Variants in JPH3 observed in about 807,000 individuals in gnomAD.
JPH3 encodes junctophilin-3.
Under a neutral mutation model 59.6 loss-of-function variants are expected in JPH3, and 11 were observed. That is an observed-to-expected ratio of 0.18 (90% CI 0.12 to 0.31). The LOEUF is 0.31. Among genes scored for constraint, JPH3 ranks in the 10% least tolerant of loss-of-function variants. The probability of loss-of-function intolerance (pLI) is 1.00; values close to 1 mark genes in which losing one functional copy is unlikely to be tolerated. For missense variants in JPH3, 1,202 were observed against 1,105.7 expected, an observed-to-expected ratio of 1.09 and a Z score of -1.24; for synonymous variants, 673 against 483.6, an observed-to-expected ratio of 1.39 and a Z score of -5.14.
At chr16:87,604,937 G>A (rs1448046889) in intron 1 of JPH3, 2 of 452,132 alleles carry the variant, frequency 4.4e-6, no homozygotes, top group Admixed American at 2.4e-5. Flanking sequence ...GCTGAGGGCC[G>A]GGCGGGAGCA....
Position 87,602,991 on chromosome 16 carries a change from C to A in JPH3, c.-156C>A. ...ACTGAAATTCCTCCGGAGCCGGCGCCGCGGCCGCCCGCGCCCGAGACCGCG... is the reference window on the plus strand; with the variant it reads ...ACTGAAATTCCTCCGGAGCCGGCGCAGCGGCCGCCCGCGCCCGAGACCGCG... On this transcript the variant is annotated 5_prime_UTR_variant, in exon 1 of 5. Coordinates refer to ENST00000284262, the MANE Select transcript of JPH3 (RefSeq NM_020655.4). 1.3e-6 allele frequency: 1 copy of A among 782,752 alleles called. No individual in the cohort carries two copies. The highest frequency in any genetic ancestry group is 2.0e-6 in the Non-Finnish European group (1 of 511,330). The allele number at this position is 782,752 out of a possible 1,614,324, so 48.5% of individuals were successfully genotyped here.
chr16:87,684,827 G>A (rs952026623), intron 3 of JPH3, among the ~76,000 whole-genome samples: 16 of 152,186 alleles, frequency 1.1e-4, no homozygotes, highest in Admixed American at 6.5e-4. Flanking sequence ...TCCTCCCTTC[G>A]AGGGGGGGAT....
rs2033194200 is a variant in JPH3 at position 87,678,031 on chromosome 16, T to A, written c.1161-6111T>A. 2.6e-5 allele frequency among the ~76,000 whole-genome samples: 4 copies of A among 152,142 alleles called. 1 individual carries two copies. The South Asian group carries it at 8.3e-4, about 32-fold the overall frequency. On this transcript the variant is annotated intron_variant, in intron 2 of 4. Transcript: ENST00000284262. ...ACTTTGGGAGGCCAAGGTGGAGGAA[T>A]GCTTGAGGCCATGAGTTCGGAATCA...
At chr16:87,634,136 T>C (rs1222293829) in intron 1 of JPH3, among the ~76,000 whole-genome samples, 2 of 152,080 alleles carry the variant, frequency 1.3e-5, no homozygotes, top group Non-Finnish European at 2.9e-5. Context: ...GGGCCACCCG[T>C]GGAGAAAGCC....
chr16:87,640,429 C>T (rs1368414946), intron 1 of JPH3, among the ~76,000 whole-genome samples: 2 of 151,736 alleles, frequency 1.3e-5, no homozygotes, highest in African/African-American at 2.4e-5. Flanking sequence ...CTTGCTCTGT[C>T]GCCCAGGCTG....
chr16:87,657,709 A>C lies in JPH3; in HGVS notation c.1160+12674A>C, dbSNP rs139924632. 3.1e-3 allele frequency among the ~76,000 whole-genome samples: 477 copies of C among 152,248 alleles called. 4 individuals carry two copies. The highest frequency in any genetic ancestry group is 9.8e-3 in the African/African-American group (409 of 41,540). On this transcript the variant is annotated intron_variant, in intron 2 of 4. Coordinates refer to ENST00000284262, the MANE Select transcript of JPH3 (RefSeq NM_020655.4). ...CAGTCCATCTCTGGGGTGTGACCCTAGCTTACCCCCATGACCACAGGAAGA... is the reference window on the plus strand; with the variant it reads ...CAGTCCATCTCTGGGGTGTGACCCTCGCTTACCCCCATGACCACAGGAAGA...
chr16:87,660,396 G>A (rs191542665), intron 2 of JPH3, among the ~76,000 whole-genome samples: 1 of 152,280 alleles, frequency 6.6e-6, no homozygotes, highest in East Asian at 1.9e-4. Context: ...TGTAGGGCTG[G>A]AGTGAAAGGG....
At chr16:87,649,448 C>T (rs2032260485) in intron 2 of JPH3, among the ~76,000 whole-genome samples, 1 of 152,210 alleles carries the variant, frequency 6.6e-6, no homozygotes, top group Non-Finnish European at 1.5e-5. Flanking sequence ...CACAGTCCTC[C>T]TCGAAGCCCG....
intron 4 of JPH3, among the ~76,000 whole-genome samples, chr16:87,691,072 C>T (rs569405166): frequency 1.4e-5 from 2 of 144,026 alleles, no homozygotes; most frequent in Non-Finnish European, 3.0e-5. Flanking sequence ...AACTCACCGT[C>T]AGCCTCACCC....
intron 2 of JPH3, chr16:87,653,610 T>C (rs1110604): frequency 0.45 from 68,294 of 152,078 alleles, 15,688 homozygotes; most frequent in South Asian, 0.61. Flanking sequence ...CGTAAAAATA[T>C]TAAAACAGCG....
intron 2 of JPH3, among the ~76,000 whole-genome samples, chr16:87,675,660 G>C (rs529507424): frequency 1.3e-5 from 2 of 152,308 alleles, no homozygotes; most frequent in Non-Finnish European, 2.9e-5. Flanking sequence ...CTAGAGTTTT[G>C]TCTGATTTTA....
At chr16:87,642,857 G>A (rs185745215) in intron 1 of JPH3, among the ~76,000 whole-genome samples, 68 of 152,350 alleles carry the variant, frequency 4.5e-4, no homozygotes, top group African/African-American at 1.6e-3. Flanking sequence ...ATGGGCCCAG[G>A]TCTGCTGACC....
chr16:87,619,836 G>T (rs1329147825), intron 1 of JPH3, among the ~76,000 whole-genome samples: 1 of 152,176 alleles, frequency 6.6e-6, no homozygotes, highest in African/African-American at 2.4e-5. Flanking sequence ...TTCCTGCGGG[G>T]CACGGATGGG....
intron 1 of JPH3, among the ~76,000 whole-genome samples, chr16:87,636,860 G>A (rs1252494293): frequency 6.6e-6 from 1 of 152,234 alleles, no homozygotes; most frequent in Non-Finnish European, 1.5e-5. Flanking sequence ...TATCTTACAG[G>A]TGTGGAAACT....
At chr16:87,642,557 CTGGTCTGCA>C (rs931069960) in intron 1 of JPH3, among the ~76,000 whole-genome samples, 3 of 152,272 alleles carry the variant, frequency 2.0e-5, no homozygotes, top group Non-Finnish European at 2.9e-5. Flanking sequence ...CTCCAGGCCT[CTGGTCTGCA>C]GCCTGTGCCA....
chr16:87,639,904 G>A (rs1021057378), intron 1 of JPH3, among the ~76,000 whole-genome samples: 9 of 152,190 alleles, frequency 5.9e-5, no homozygotes, highest in African/African-American at 1.2e-4. Flanking sequence ...TTTTATCCCC[G>A]ATGCCTTCAC....
intron 1 of JPH3, among the ~76,000 whole-genome samples, chr16:87,643,947 G>T (rs980570322): frequency 2.0e-5 from 3 of 152,148 alleles, no homozygotes; most frequent in African/African-American, 7.2e-5. Context: ...AACCAGCCTG[G>T]CCAACATAAT....
At chr16:87,607,579 T>C (rs2030571283) in intron 1 of JPH3, among the ~76,000 whole-genome samples, 1 of 152,244 alleles carries the variant, frequency 6.6e-6, no homozygotes, top group Admixed American at 6.5e-5. Flanking sequence ...ACCAGGCCTG[T>C]AAACGGGGAG....
rs542067061 is a variant in JPH3, at chr16:87,649,944, C to T, written c.1160+4909C>T. Among the ~76,000 whole-genome samples, 881 of 152,326 alleles carry T rather than the reference C, an allele frequency of 5.8e-3. 5 individuals are homozygous for T. The highest frequency in any genetic ancestry group is 8.0e-3 in the Non-Finnish European group (547 of 68,032). On this transcript the variant is annotated intron_variant, in intron 2 of 4. Transcript: ENST00000284262. ...TTCTGCTGGGACCCCCTCTCTGCTG[C>T]GTCTCGTGCAAACGTTGCTGTGAAG...
Sources: allele counts gnomAD v4.1 joint callset (sites outside exome capture counted in the v4.1 genomes callset), GRCh38; gene constraint gnomAD v4.1.1; transcripts MANE v1.5; gene names NCBI Gene and HGNC (gene_info 2026-07-23, HGNC 2026-07-21).